AGAP3: variants seen among roughly 807,000 people sequenced by gnomAD.
The protein encoded by AGAP3 is ArfGAP with GTPase domain, ankyrin repeat and PH domain 3.
Under a neutral mutation model 96.9 loss-of-function variants are expected in AGAP3, and 24 were observed. The ratio of observed to expected loss-of-function variants is 0.25; its 90% CI spans 0.18 to 0.35. The LOEUF (loss-of-function observed/expected upper bound fraction) is 0.35. AGAP3 is among the 10% of genes least tolerant of loss of function. The pLI is 1.00. For missense variants in AGAP3, 876 were observed against 1,254.2 expected, an observed-to-expected ratio of 0.70 and a Z score of 4.55; for synonymous variants, 563 against 536.1, an observed-to-expected ratio of 1.05 and a Z score of -0.69.
chr7:151,089,306 TC>T (rs1463696187), intron 1 of AGAP3, among the ~76,000 whole-genome samples: 2 of 152,300 alleles, frequency 1.3e-5, no homozygotes, highest in East Asian at 3.9e-4. Context: ...AGGCGCAGAC[TC>T]CCTGGGCGTT....
Position 151,140,151 on chromosome 7 carries a change from G to T in AGAP3, c.1804+35G>T. On this transcript the variant is annotated intron_variant, in intron 13 of 17. Transcript: ENST00000397238. The surrounding 1 kb of genome is among the most constrained non-coding windows in gnomAD (Gnocchi z 5.4). ...ACCCAGAGGGAAACCGGGCACAGGA[G>T]GTGGGCAGTGGGACTTGGGGATAGT... 2 of 1,520,294 alleles carry T rather than the reference G, an allele frequency of 1.3e-6. No homozygotes were observed. The highest frequency in any genetic ancestry group is 8.8e-7 in the Non-Finnish European group (1 of 1,134,778). The allele number at this position is 1,520,294 out of a possible 1,614,324, so 94.2% of individuals were successfully genotyped here.
intron 1 of AGAP3, among the ~76,000 whole-genome samples, chr7:151,101,611 C>T (rs780448187): frequency 3.9e-5 from 6 of 152,204 alleles, no homozygotes; most frequent in Non-Finnish European, 5.9e-5. Context: ...GCGCCTCCCT[C>T]CCTGTGCCCA....
intron 1 of AGAP3, chr7:151,112,122 G>A (rs992482308): frequency 1.3e-5 from 2 of 152,186 alleles, no homozygotes; most frequent in African/African-American, 2.4e-5. Flanking sequence ...TCTCCTTTTC[G>A]GGGTCTTTGA....
At chr7:151,115,023 G>T in intron 1 of AGAP3, 1 of 990,934 alleles carries the variant, frequency 1.0e-6, no homozygotes, top group South Asian at 4.5e-5. Flanking sequence ...CCCGCGCCTC[G>T]GCCGCCGGGG....
chr7:151,090,032 C>G (rs2083026375), intron 1 of AGAP3: 1 of 152,226 alleles, frequency 6.6e-6, no homozygotes, highest in Admixed American at 6.6e-5. Context: ...AAGAGGGATG[C>G]AGGAGAACGA....
At chr7:151,088,666 C>T (rs11769150) in intron 1 of AGAP3, among the ~76,000 whole-genome samples, 28,207 of 152,206 alleles carry the variant, frequency 0.19, 2,677 homozygotes, top group South Asian at 0.27. Context: ...CATCTGCTTC[C>T]GAGCTTTTCC....
intron 1 of AGAP3, among the ~76,000 whole-genome samples, chr7:151,101,296 C>G (rs1004931938): frequency 1.3e-5 from 2 of 152,264 alleles, no homozygotes; most frequent in African/African-American, 4.8e-5. Flanking sequence ...TGCAGGGACC[C>G]GTGCATTGCT....
At position 151,117,148 on chromosome 7, in the gene AGAP3, G is replaced by A. The variant is rs764519528; in HGVS notation, c.444G>A (p.Leu148=). The change falls in exon 3 of 18, where the codon CTG becomes CTA. Residue 148 remains leucine (L), a synonymous_variant. Coordinates refer to ENST00000397238, the MANE Select transcript of AGAP3 (RefSeq NM_031946.7). ...AGTCAGCCCTGGTGCACCGCTATCT[G>A]ACGGGGACCTATGTCCAGGAGGAGT... ...SGKSALVHRY[L]TGTYVQEESP... 6.2e-7 allele frequency: 1 copy of A among 1,614,134 alleles called. No homozygotes were observed. Among genetic ancestry groups the A allele is most frequent in the Non-Finnish European group, 8.5e-7 (1 of 1,179,972 alleles).
chr7:151,125,430 C>CT (rs1464861270), intron 9 of AGAP3, among the ~76,000 whole-genome samples: 1 of 152,218 alleles, frequency 6.6e-6, no homozygotes, highest in East Asian at 1.9e-4. Context: ...TAGTAGGTCA[C>CT]TTGGGTGTTT....
At chr7:151,100,267 A>G (rs1798785545) in intron 1 of AGAP3, among the ~76,000 whole-genome samples, 1 of 151,852 alleles carries the variant, frequency 6.6e-6, no homozygotes, top group Non-Finnish European at 1.5e-5. Context: ...CTAGATTCTC[A>G]TCACATCCCG....
chr7:151,100,586 C>A (rs994369784), intron 1 of AGAP3, among the ~76,000 whole-genome samples: 4 of 152,190 alleles, frequency 2.6e-5, no homozygotes, highest in Admixed American at 2.0e-4. Context: ...AGTCCCAGCA[C>A]TTTGGGAGGC....
intron 7 of AGAP3, among the ~76,000 whole-genome samples, chr7:151,119,576 C>G (rs1221208486): frequency 1.3e-5 from 2 of 152,226 alleles, no homozygotes; most frequent in Non-Finnish European, 2.9e-5. Flanking sequence ...CTCCTGCACT[C>G]TAAACATACA....
chr7:151,117,042 TTC>T, intron 2 of AGAP3, 51 bp from the exon 3 acceptor site: 1 of 1,568,828 alleles, frequency 6.4e-7, no homozygotes, highest in Admixed American at 1.7e-5. Flanking sequence ...CTGCTGGGTC[TTC>T]TCCCTCGTGC....
chr7:151,116,405 T>G, intron 1 of AGAP3: 2 of 217,704 alleles, frequency 9.2e-6, no homozygotes, highest in African/African-American at 2.3e-5. Flanking sequence ...TGCCCAGCCC[T>G]TGGGTCTGTT....
intron 1 of AGAP3, among the ~76,000 whole-genome samples, chr7:151,087,490 C>G (rs971436855): frequency 8.5e-5 from 13 of 152,162 alleles, no homozygotes; most frequent in Admixed American, 6.5e-5. Context: ...TGGATGGCAG[C>G]CTTCCCGGGC....
intron 1 of AGAP3, 140 bp from the exon 2 acceptor site, chr7:151,116,653 G>A (rs1799596967): frequency 1.2e-6 from 1 of 851,602 alleles, no homozygotes; most frequent in African/African-American, 1.7e-5. Context: ...AACTAGGGGT[G>A]AGGGTTGGGG....
intron 1 of AGAP3, 121 bp downstream of exon 1, chr7:151,087,193 C>A: frequency 9.2e-7 from 1 of 1,084,048 alleles, no homozygotes; most frequent in Non-Finnish European, 1.3e-6. Context: ...CGCTTGAGGA[C>A]CAGGCCACGA....
At position 151,086,872 on chromosome 7, in the gene AGAP3, G is replaced by A; in HGVS notation, c.131G>A (p.Gly44Glu). 3 of 1,224,226 alleles carry A rather than the reference G, an allele frequency of 2.5e-6. No homozygotes were observed. Among genetic ancestry groups the A allele is most frequent in the Non-Finnish European group, 3.1e-6 (3 of 972,620 alleles). 75.8% of individuals were successfully genotyped at this position (1,224,226 alleles called of 1,614,324 possible). The change falls in exon 1 of 18, where the codon GGG becomes GAG. Residue 44 changes from glycine (G) to glutamate (E), a missense_variant. Around this residue, in one of 8 missense-constraint regions of AGAP3, gnomAD observed 62 missense variants for 82.8 expected, o/e 0.75. Transcript: ENST00000397238. Reference protein sequence around the residue: ...GQFGGAGPGAGGGGGPSQQLA... With the variant: ...GQFGGAGPGAEGGGGPSQQLA... ...TTCGGCGGCGCGGGGCCCGGGGCCG[G>A]GGGCGGCGGCGGCCCCTCGCAGCAG...
chr7:151,123,512 C>A, intron 8 of AGAP3: 1 of 1,250,046 alleles, frequency 8.0e-7, no homozygotes, highest in East Asian at 3.6e-5. Flanking sequence ...CTTACGCCCC[C>A]GCCCCGGGCG....
Sources: allele counts gnomAD v4.1 joint callset (sites outside exome capture counted in the v4.1 genomes callset), GRCh38; gene constraint gnomAD v4.1.1; regional missense constraint gnomAD v4.1.1; non-coding constraint Gnocchi (gnomAD v3.1); transcripts MANE v1.5; gene names NCBI Gene and HGNC (gene_info 2026-07-23, HGNC 2026-07-21).